Variants in SLC25A26 observed in about 807,000 individuals in gnomAD.
The protein encoded by SLC25A26 is solute carrier family 25 member 26.
SLC25A26 carries 36 observed loss-of-function variants against 37.8 expected under a neutral mutation model. The ratio of observed to expected loss-of-function variants is 0.95; its 90% CI spans 0.73 to 1.26. SLC25A26 has a LOEUF of 1.26. SLC25A26 is among the 50% of genes most tolerant of loss of function. The probability of loss-of-function intolerance (pLI) is 0.00; values close to 1 mark genes in which losing one functional copy is unlikely to be tolerated. For missense variants in SLC25A26, 390 were observed against 331.1 expected (o/e 1.18, Z -1.38); for synonymous variants, 129 against 122.5 (o/e 1.05, Z -0.35).
At chr3:66,359,973 A>G (rs9829376) in intron 6 of SLC25A26, among the ~76,000 whole-genome samples, 53,434 of 152,072 alleles carry the variant, frequency 0.35, 10,127 homozygotes, top group East Asian at 0.69. Context: ...CATTCACGTT[A>G]GTATGGATAG....
chr3:66,331,659 T>C (rs2075976937), intron 5 of SLC25A26, among the ~76,000 whole-genome samples: 1 of 152,194 alleles, frequency 6.6e-6, no homozygotes, highest in African/African-American at 2.4e-5. Flanking sequence ...TATTTTGGGT[T>C]TCTTTTTTAA....
At chr3:66,370,947 A>C (rs1028043182) in intron 9 of SLC25A26, among the ~76,000 whole-genome samples, 6 of 152,214 alleles carry the variant, frequency 3.9e-5, no homozygotes, top group Non-Finnish European at 8.8e-5. Flanking sequence ...TTGTTAGAAG[A>C]AAGCATTTGT....
intron 1 of SLC25A26, among the ~76,000 whole-genome samples, chr3:66,156,555 A>T (rs762211464): frequency 6.6e-6 from 1 of 152,192 alleles, no homozygotes; most frequent in Non-Finnish European, 1.5e-5. Context: ...TCTTCTGCTT[A>T]TAAAGAAGGG....
In SLC25A26 at chr3:66,306,320, G is replaced by C. The variant is rs576916147; in HGVS notation, c.454-40044G>C. 4.6e-5 allele frequency among the ~76,000 whole-genome samples: 7 copies of C among 152,300 alleles called. No individual in the cohort carries two copies. The East Asian group carries it at 7.7e-4, about 17-fold the overall frequency. On this transcript the variant is annotated intron_variant, in intron 5 of 9. Coordinates refer to ENST00000354883, the MANE Select transcript of SLC25A26 (RefSeq NM_001379210.1). ...TAATAATTGCCATTGTGAATGGCGTGAGACGGTATCTCATTGTGGTTTTGA... is the reference window on the plus strand; with the variant it reads ...TAATAATTGCCATTGTGAATGGCGTCAGACGGTATCTCATTGTGGTTTTGA...
At chr3:66,235,404 T>C (rs781985618) in intron 1 of SLC25A26, among the ~76,000 whole-genome samples, 1 of 152,212 alleles carries the variant, frequency 6.6e-6, no homozygotes, top group Non-Finnish European at 1.5e-5. Context: ...CAACATGGTA[T>C]CTCTTGGGAG....
At chr3:66,326,402 G>T (rs2075838627) in intron 5 of SLC25A26, among the ~76,000 whole-genome samples, 1 of 152,212 alleles carries the variant, frequency 6.6e-6, no homozygotes, top group Non-Finnish European at 1.5e-5. Context: ...CTGAGGAGGG[G>T]TTGCCTGCCC....
At chr3:66,254,154 AAGG>A (rs1442070297) in intron 3 of SLC25A26, among the ~76,000 whole-genome samples, 1 of 152,206 alleles carries the variant, frequency 6.6e-6, no homozygotes, top group African/African-American at 2.4e-5. Flanking sequence ...ATTAAAATCT[AAGG>A]AGTGTAAGTT....
intron 5 of SLC25A26, among the ~76,000 whole-genome samples, chr3:66,281,843 G>A (rs747310331): frequency 7.7e-5 from 10 of 129,530 alleles, no homozygotes; most frequent in Non-Finnish European, 1.4e-4. Flanking sequence ...TTTTTTTTGA[G>A]ATGGAGTGTC....
upstream of SLC25A26, among the ~76,000 whole-genome samples, chr3:66,217,829 T>C (rs1050151985): frequency 0.99 from 151,264 of 152,344 alleles, 75,101 homozygotes; most frequent in East Asian, 1. Flanking sequence ...AGATTACAGG[T>C]ATGAGCCACG....
chr3:66,373,406 C>T (rs1045686308), intron 9 of SLC25A26, among the ~76,000 whole-genome samples: 3 of 152,200 alleles, frequency 2.0e-5, no homozygotes, highest in Non-Finnish European at 4.4e-5. Context: ...CCATAAACTG[C>T]TTCCATCTGT....
chr3:66,286,792 A>G (rs2074526913), intron 5 of SLC25A26, among the ~76,000 whole-genome samples: 1 of 152,024 alleles, frequency 6.6e-6, no homozygotes, highest in African/African-American at 2.4e-5. Context: ...CCACCTGAGT[A>G]GCTGGGATTA....
intron 2 of SLC25A26, 75 bp downstream of exon 2, chr3:66,236,775 C>A: frequency 8.9e-7 from 1 of 1,119,680 alleles, no homozygotes; most frequent in Non-Finnish European, 1.2e-6. Context: ...GTCTTACCCC[C>A]ATAGAATTCC....
At chr3:66,346,758 G>A (rs931206548) in intron 6 of SLC25A26, among the ~76,000 whole-genome samples, 12 of 142,930 alleles carry the variant, frequency 8.4e-5, no homozygotes, top group African/African-American at 2.5e-4. Context: ...GTGTGTGTGT[G>A]TGTTTAGAAG....
At chr3:66,311,206 C>G (rs28796092) in intron 5 of SLC25A26, among the ~76,000 whole-genome samples, 1,982 of 152,076 alleles carry the variant, frequency 0.013, 46 homozygotes, top group African/African-American at 0.044. Context: ...ATTATTTTTT[C>G]TCATCTTGTC....
intron 2 of SLC25A26, among the ~76,000 whole-genome samples, chr3:66,239,795 G>A (rs2072479037): frequency 6.7e-6 from 1 of 148,508 alleles, no homozygotes; most frequent in African/African-American, 2.5e-5. Context: ...GCAGCGATGG[G>A]TTAATGAGTT....
intron 3 of SLC25A26, among the ~76,000 whole-genome samples, chr3:66,246,991 C>T (rs1168182540): frequency 6.6e-6 from 1 of 151,934 alleles, no homozygotes; most frequent in Non-Finnish European, 1.5e-5. Context: ...CCTCCCGAGT[C>T]GCTGGGACTA....
At chr3:66,224,340 A>G (rs993664644) in intron 1 of SLC25A26, among the ~76,000 whole-genome samples, 3 of 152,204 alleles carry the variant, frequency 2.0e-5, no homozygotes, top group African/African-American at 7.2e-5. Flanking sequence ...GAGGCCTCAC[A>G]GTTGTGTGGA....
chr3:66,314,962 C>G (rs1326607510), intron 5 of SLC25A26, among the ~76,000 whole-genome samples: 1 of 151,432 alleles, frequency 6.6e-6, no homozygotes, highest in Non-Finnish European at 1.5e-5. Flanking sequence ...GTGGGGTCGC[C>G]AGTGATATCC....
intron 6 of SLC25A26, among the ~76,000 whole-genome samples, chr3:66,348,563 T>C (rs1217238087): frequency 6.6e-6 from 1 of 152,196 alleles, no homozygotes; most frequent in Non-Finnish European, 1.5e-5. Flanking sequence ...TGACTAGTCA[T>C]GGAGTGCTCA....
Sources: gnomAD v4.1 joint callset for allele counts (sites outside exome capture counted in the v4.1 genomes callset) on GRCh38, gnomAD v4.1.1 for gene constraint, MANE v1.5 for transcripts, NCBI Gene and HGNC (gene_info 2026-07-23, HGNC 2026-07-21) for gene names.